SORL1: variants seen among roughly 807,000 people sequenced by gnomAD.
SORL1 encodes sortilin-related receptor.
Under a neutral mutation model 273.7 loss-of-function variants are expected in SORL1, and 127 were observed. The ratio of observed to expected loss-of-function variants is 0.46; its 90% confidence interval spans 0.40 to 0.54. The LOEUF is 0.54. Among genes scored for constraint, SORL1 ranks in the 20% least tolerant of loss-of-function variants. The pLI is 0.00. For missense variants in SORL1, 2,494 were observed against 2,846.1 expected, an observed-to-expected ratio of 0.88 and a Z score of 2.81; for synonymous variants, 1,031 against 1,067.4, an observed-to-expected ratio of 0.97 and a Z score of 0.66.
At position 121,595,885 on chromosome 11, in the gene SORL1, T is replaced by A; in HGVS notation, c.4519+113T>A. ...CACGCCTGTGTGTGAGTCTGTGTAC[T>A]TGCGTAACCATGCTCTTACTGCATT... On this transcript the variant is annotated intron_variant, in intron 32 of 47. Transcript: ENST00000260197. This position sits in a 1 kb window ranked among gnomAD's most constrained non-coding sequence, Gnocchi z 5.1. 8.5e-7 allele frequency: 1 copy of A among 1,178,776 alleles called. No homozygotes were observed. The highest frequency in any genetic ancestry group is 1.2e-6 in the Non-Finnish European group (1 of 849,622). The allele number at this position is 1,178,776 out of a possible 1,614,324, so 73.0% of individuals were successfully genotyped here.
chr11:121,552,230 A>T (rs963163757), intron 16 of SORL1, among the ~76,000 whole-genome samples: 2 of 152,228 alleles, frequency 1.3e-5, no homozygotes, highest in Non-Finnish European at 2.9e-5. Flanking sequence ...CTTTGCAAAG[A>T]TGAGGTAATC....
intron 3 of SORL1, among the ~76,000 whole-genome samples, chr11:121,482,603 C>G (rs938120506): frequency 6.6e-6 from 1 of 152,198 alleles, no homozygotes; most frequent in Non-Finnish European, 1.5e-5. Flanking sequence ...TGCCTTTGTC[C>G]CCTGGAAGGC....
chr11:121,529,230 T>C (rs1862167618), intron 11 of SORL1, among the ~76,000 whole-genome samples: 1 of 152,222 alleles, frequency 6.6e-6, no homozygotes, highest in African/African-American at 2.4e-5. Flanking sequence ...ATTACATCTT[T>C]TTTTGAGTTG....
chr11:121,458,218 T>C (rs1489804680), intron 1 of SORL1, among the ~76,000 whole-genome samples: 2 of 152,222 alleles, frequency 1.3e-5, no homozygotes, highest in East Asian at 1.9e-4. Flanking sequence ...AGGTGAATAT[T>C]AAAATGAGTT....
At chr11:121,620,929 G>A in intron 43 of SORL1, 135 bp from the exon 44 acceptor site, 1 of 628,772 alleles carries the variant, frequency 1.6e-6, no homozygotes, top group Non-Finnish European at 2.7e-6. Flanking sequence ...AAAGAATGGA[G>A]TCAGATTTCG....
chr11:121,583,383 CA>C, intron 25 of SORL1, 74 bp from the exon 26 acceptor site: 1 of 1,481,920 alleles, frequency 6.7e-7, no homozygotes, highest in Non-Finnish European at 9.0e-7. Flanking sequence ...AACCTCTTTT[CA>C]GCCCACCCCC....
At chr11:121,567,259 C>T in intron 22 of SORL1, 146 bp downstream of exon 22, 1 of 702,928 alleles carries the variant, frequency 1.4e-6, no homozygotes, top group Non-Finnish European at 2.3e-6. Flanking sequence ...ACCAGATACT[C>T]ATAAGAATAC....
intron 26 of SORL1, among the ~76,000 whole-genome samples, chr11:121,584,394 A>G (rs1336240435): frequency 6.6e-6 from 1 of 152,170 alleles, no homozygotes; most frequent in Non-Finnish European, 1.5e-5. Context: ...TACTTTTTCT[A>G]CCTAGTGACA....
chr11:121,459,719 A>G (rs1299130485), intron 1 of SORL1, among the ~76,000 whole-genome samples: 1 of 152,224 alleles, frequency 6.6e-6, no homozygotes, highest in Non-Finnish European at 1.5e-5. Context: ...AAAGATGTAA[A>G]CAGTGCCTTA....
rs534635892 is a variant in SORL1, at chr11:121,599,909, A to T, written c.4519+4137A>T. On this transcript the variant is annotated intron_variant, in intron 32 of 47. Coordinates refer to ENST00000260197, the MANE Select transcript of SORL1 (RefSeq NM_003105.6). ...GCTGTTTTGTTTTTCACTTTGCTTT[A>T]TCATAAGTGGTCTTTTTCAGGCTGC... Among the ~76,000 whole-genome samples, 4 of 151,736 alleles carry T rather than the reference A, an allele frequency of 2.6e-5. No individual in the cohort carries two copies. In the East Asian group the frequency reaches 7.8e-4, roughly 29 times the overall value.
intron 33 of SORL1, 101 bp from the exon 34 acceptor site, chr11:121,605,012 T>A: frequency 3.2e-6 from 3 of 931,122 alleles, no homozygotes; most frequent in Non-Finnish European, 4.8e-6. Flanking sequence ...CTCAGGCAAT[T>A]TGCCCGCCTC....
chr11:121,532,397 A>G (rs1461267456), intron 11 of SORL1, 67 bp from the exon 12 acceptor site: 7 of 1,411,492 alleles, frequency 5.0e-6, no homozygotes, highest in Non-Finnish European at 7.0e-6. Flanking sequence ...GCCTGTGGGC[A>G]TGTGTACATG....
chr11:121,473,185 T>C (rs1327739092), intron 2 of SORL1, among the ~76,000 whole-genome samples: 1 of 152,206 alleles, frequency 6.6e-6, no homozygotes, highest in Non-Finnish European at 1.5e-5. Flanking sequence ...TAAAGAAGAC[T>C]GAGCATGGTT....
intron 6 of SORL1, among the ~76,000 whole-genome samples, chr11:121,507,880 A>G (rs1408207238): frequency 6.6e-6 from 1 of 152,026 alleles, no homozygotes; most frequent in African/African-American, 2.4e-5. Context: ...GACATTTTAA[A>G]TGGTGTGGTA....
At position 121,470,093 on chromosome 11, in the gene SORL1, C is replaced by A. The variant is rs1306611994; in HGVS notation, c.372C>A (p.Ser124Arg). 1 of 1,613,838 alleles carries A rather than the reference C, an allele frequency of 6.2e-7. No individual in the cohort carries two copies. The highest frequency in any genetic ancestry group is 8.5e-7 in the Non-Finnish European group (1 of 1,179,870). Residue 124 changes from serine (S) to arginine (R), a missense_variant, in exon 2 of 48, where the codon AGC (serine) becomes AGA (arginine). Ser to Arg is a moderately radical substitution (Grantham distance 110). Coordinates refer to ENST00000260197, the MANE Select transcript of SORL1 (RefSeq NM_003105.6). ...SNVIVALARD[S>R]LALARPKSSD... ...TGATCGTGGCCTTGGCCCGAGATAG[C>A]CTGGCATTGGCGAGGCCCAAGAGCA... is the stretch of plus-strand genomic sequence containing the variant.
intron 18 of SORL1, among the ~76,000 whole-genome samples, chr11:121,556,595 G>T (rs2134905991): frequency 6.6e-6 from 1 of 152,312 alleles, no homozygotes; most frequent in African/African-American, 2.4e-5. Flanking sequence ...CACAGGCTGT[G>T]GGGCGACCAC....
chr11:121,542,506 C>A (rs947351501), intron 12 of SORL1, among the ~76,000 whole-genome samples: 1 of 151,802 alleles, frequency 6.6e-6, no homozygotes, highest in Non-Finnish European at 1.5e-5. Context: ...GTAGAATATC[C>A]CACATTTTGG....
intron 7 of SORL1, among the ~76,000 whole-genome samples, chr11:121,513,871 T>C (rs1462690457): frequency 2.0e-5 from 3 of 152,162 alleles, no homozygotes; most frequent in Non-Finnish European, 2.9e-5. Context: ...GAGGGAGACA[T>C]TATTAACGGA....
chr11:121,545,232 T>A lies in SORL1; in HGVS notation c.1865-11T>A, dbSNP rs1423888560. On this transcript the variant is annotated splice_polypyrimidine_tract_variant and intron_variant, in intron 13 of 47. Transcript: ENST00000260197. ...CCTCTAATGCTTCGTGCTGTGTTCC[T>A]TTTTCTTTAGGAGTTCCCTGCACAG... is the stretch of plus-strand genomic sequence containing the variant. 1.2e-6 allele frequency: 2 copies of A among 1,613,084 alleles called. No individual in the cohort carries two copies. The highest frequency in any genetic ancestry group is 2.7e-5 in the African/African-American group (2 of 74,992).
Sources: gnomAD v4.1 joint callset for allele counts (sites outside exome capture counted in the v4.1 genomes callset) on GRCh38, gnomAD v4.1.1 for gene constraint, Gnocchi (gnomAD v3.1) non-coding constraint, MANE v1.5 for transcripts, NCBI Gene and HGNC (gene_info 2026-07-23, HGNC 2026-07-21) for gene names.